Variants in GBE1 observed in about 807,000 individuals in gnomAD.
The protein encoded by GBE1 is 1,4-alpha-glucan-branching enzyme.
Under a neutral mutation model 88.8 loss-of-function variants are expected in GBE1, and 70 were observed. The ratio of observed to expected loss-of-function variants is 0.79; its 90% CI spans 0.65 to 0.96. The LOEUF (loss-of-function observed/expected upper bound fraction) is 0.96. Ranked by LOEUF, GBE1 falls within the 40% of genes least tolerant of loss-of-function variation. The pLI, the probability that GBE1 is intolerant of heterozygous loss-of-function variation, is 0.00. For synonymous variants in GBE1, 284 were observed against 300.1 expected (o/e 0.95, Z 0.56); for missense variants, 872 against 871.0 (o/e 1.00, Z -0.01).
At chr3:81,577,608 T>C (rs1703665474) in intron 12 of GBE1, among the ~76,000 whole-genome samples, 1 of 152,080 alleles carries the variant, frequency 6.6e-6, no homozygotes, top group Non-Finnish European at 1.5e-5. Flanking sequence ...AATGTGCAAA[T>C]ACTATAACAA....
At chr3:81,535,135 C>A in intron 14 of GBE1, 60 bp downstream of exon 14, 2 of 1,358,372 alleles carry the variant, frequency 1.5e-6, no homozygotes, top group African/African-American at 1.6e-5. Context: ...TTTTTTTGTC[C>A]TATAATGTAA....
intron 12 of GBE1, among the ~76,000 whole-genome samples, chr3:81,566,103 C>T (rs1424165718): frequency 6.6e-6 from 1 of 152,150 alleles, no homozygotes; most frequent in African/African-American, 2.4e-5. Context: ...CACCACATAC[C>T]ACAATCTGAA....
At chr3:81,649,947 C>T in intron 3 of GBE1, 26 bp from the exon 4 acceptor site, 5 of 1,569,164 alleles carry the variant, frequency 3.2e-6, no homozygotes, top group African/African-American at 1.4e-5. Context: ...CATGTTATTG[C>T]TTTAAAATAC....
chr3:81,530,272 T>C (rs1576134720), intron 14 of GBE1, among the ~76,000 whole-genome samples: 1 of 140,220 alleles, frequency 7.1e-6, no homozygotes, highest in Non-Finnish European at 1.6e-5. Context: ...GCTATTTCAT[T>C]TTTTTTTTTT....
intron 8 of GBE1, among the ~76,000 whole-genome samples, chr3:81,592,266 C>T (rs141368295): frequency 2.6e-4 from 39 of 152,160 alleles, no homozygotes; most frequent in African/African-American, 8.7e-4. Context: ...AACAAAAGTG[C>T]GCCCTTTGAC....
rs1401048016 is a variant in GBE1, at chr3:81,566,621, G to A, written c.1618+11304C>T. 2.0e-5 allele frequency among the ~76,000 whole-genome samples: 3 copies of A among 152,166 alleles called. No individual in the cohort carries two copies. In the East Asian group the frequency reaches 5.8e-4, roughly 29 times the overall value. On this transcript the variant is annotated intron_variant, in intron 12 of 15. Transcript: ENST00000429644. ...CTCTGGTATTTTCACTCCTAGAGAT[G>A]TCTATCTCATACCTTCTATTTTTTC...
intron 7 of GBE1, among the ~76,000 whole-genome samples, chr3:81,637,810 A>G (rs1704611823): frequency 1.3e-5 from 2 of 152,232 alleles, no homozygotes; most frequent in South Asian, 4.1e-4. Context: ...CCCTCAAGTT[A>G]ATATTTATCA....
chr3:81,658,765 C>T (rs1704979115), intron 3 of GBE1, among the ~76,000 whole-genome samples: 3 of 152,110 alleles, frequency 2.0e-5, no homozygotes, highest in Non-Finnish European at 2.9e-5. Context: ...TGAACAAAAA[C>T]CTTACAAAGT....
At chr3:81,532,390 G>A (rs193079726) in intron 14 of GBE1, among the ~76,000 whole-genome samples, 38 of 152,026 alleles carry the variant, frequency 2.5e-4, no homozygotes, top group Admixed American at 2.2e-3. Context: ...ACTTTCTATT[G>A]TTCAAAGTGA....
chr3:81,673,335 C>T (rs1705215323), intron 2 of GBE1, among the ~76,000 whole-genome samples: 2 of 151,750 alleles, frequency 1.3e-5, no homozygotes, highest in South Asian at 2.1e-4. Context: ...ATATGTACTC[C>T]GTGCTTAATG....
chr3:81,659,990 AT>A (rs1005138869), intron 3 of GBE1, among the ~76,000 whole-genome samples: 43 of 152,294 alleles, frequency 2.8e-4, no homozygotes, highest in African/African-American at 1.0e-3. Flanking sequence ...AAAAATCTGT[AT>A]TTTGCCAGGT....
At chr3:81,677,592 C>T (rs1021423421) in intron 2 of GBE1, among the ~76,000 whole-genome samples, 22 of 152,090 alleles carry the variant, frequency 1.4e-4, no homozygotes, top group African/African-American at 5.3e-4. Context: ...CTGGAATTTC[C>T]TATGGCATTG....
chr3:81,490,508 A>G (rs1193673287), intron 15 of GBE1, 45 bp from the exon 16 acceptor site: 2 of 1,460,890 alleles, frequency 1.4e-6, no homozygotes, highest in Non-Finnish European at 9.6e-7. Context: ...AAAGTACCAA[A>G]CGGCCTGTCA....
intron 12 of GBE1, among the ~76,000 whole-genome samples, chr3:81,550,683 T>C (rs1703259397): frequency 6.6e-6 from 1 of 152,088 alleles, no homozygotes. Context: ...AAAACCAACA[T>C]GGCAATGAGA....
At chr3:81,750,551 G>GTA (rs770974468) in intron 1 of GBE1, among the ~76,000 whole-genome samples, 6,402 of 50,812 alleles carry the variant, frequency 0.13, 629 homozygotes, top group East Asian at 0.25. Context: ...ATATATATAT[G>GTA]TATATATATA....
intron 14 of GBE1, among the ~76,000 whole-genome samples, chr3:81,520,494 T>C (rs1029543918): frequency 6.6e-6 from 1 of 151,576 alleles, no homozygotes; most frequent in East Asian, 1.9e-4. Flanking sequence ...AAGAGCACTC[T>C]GGTCTTGGGA....
intron 14 of GBE1, among the ~76,000 whole-genome samples, chr3:81,525,913 C>T (rs970660478): frequency 3.3e-5 from 5 of 151,778 alleles, no homozygotes; most frequent in Non-Finnish European, 7.4e-5. Context: ...CTACTTGATT[C>T]TTCTCTCTTT....
At chr3:81,512,962 T>A (rs1278915447) in intron 14 of GBE1, among the ~76,000 whole-genome samples, 1 of 151,802 alleles carries the variant, frequency 6.6e-6, no homozygotes, top group Non-Finnish European at 1.5e-5. Flanking sequence ...CCAAGTAATT[T>A]TGTTTAATTT....
chr3:81,726,981 G>A (rs1706121752), intron 1 of GBE1, among the ~76,000 whole-genome samples: 1 of 152,114 alleles, frequency 6.6e-6, no homozygotes, highest in Non-Finnish European at 1.5e-5. Context: ...TCTACGTCAT[G>A]GTGACTTATT....
Sources: gnomAD v4.1 joint callset for allele counts (sites outside exome capture counted in the v4.1 genomes callset) on GRCh38, gnomAD v4.1.1 for gene constraint, MANE v1.5 for transcripts, NCBI Gene and HGNC (gene_info 2026-07-23, HGNC 2026-07-21) for gene names.